The following ZWILCH variants were observed in gnomAD, a reference collection of about 807,000 sequenced individuals.
ZWILCH encodes protein zwilch homolog.
A neutral mutation model predicts 79.9 loss-of-function variants in ZWILCH; 74 were observed. That is an observed-to-expected ratio of 0.93 (90% CI 0.77 to 1.12). The LOEUF is 1.12. Among genes scored for constraint, ZWILCH ranks in the 50% most tolerant of loss-of-function variants. ZWILCH has a pLI of 0.00. For missense variants in ZWILCH, 694 were observed against 687.5 expected (o/e 1.01, Z -0.11); for synonymous variants, 241 against 228.2 (o/e 1.06, Z -0.51).
intron 16 of ZWILCH, among the ~76,000 whole-genome samples, chr15:66,538,696 G>A (rs62011922): frequency 0.056 from 8,504 of 152,202 alleles, 336 homozygotes; most frequent in Middle Eastern, 0.11. Context: ...CAGTAAGCAC[G>A]TATAAGGCTG....
chr15:66,537,098 T>A (rs1189237993), intron 15 of ZWILCH, 70 bp from the exon 16 acceptor site: 1 of 1,240,528 alleles, frequency 8.1e-7, no homozygotes, highest in African/African-American at 1.5e-5. Flanking sequence ...CTTACGAGCT[T>A]TAGACTACCA....
Position 66,514,095 on chromosome 15 carries a change from T to C in ZWILCH, c.201+12T>C, listed in dbSNP as rs1408672492. The C allele has an allele frequency of 1.9e-6, 3 of 1,578,286 alleles. No homozygotes were observed. In the African/African-American group the frequency reaches 4.1e-5, roughly 21 times the overall value. On this transcript the variant is annotated intron_variant, in intron 3 of 18. Coordinates refer to ENST00000307897, the MANE Select transcript of ZWILCH (RefSeq NM_017975.5). ...TAGTGGAAAAAGTGGTAAGTACTGG[T>C]TTGACTTTGTGGTTGTTTAATTCTC...
At chr15:66,526,651 A>G (rs1036256936) in intron 8 of ZWILCH, among the ~76,000 whole-genome samples, 3 of 151,546 alleles carry the variant, frequency 2.0e-5, no homozygotes, top group African/African-American at 7.3e-5. Context: ...TATAGTAGAG[A>G]CGGGGTTTCA....
intron 7 of ZWILCH, chr15:66,523,459 A>G (rs1047304246): frequency 2.1e-5 from 9 of 435,046 alleles, no homozygotes; most frequent in African/African-American, 1.8e-4. Flanking sequence ...TGTCATAGAA[A>G]GAGGATAAGT....
At chr15:66,520,986 G>T in intron 6 of ZWILCH, 64 bp from the exon 7 acceptor site, 1 of 1,540,032 alleles carries the variant, frequency 6.5e-7, no homozygotes. Flanking sequence ...AAAATAATTT[G>T]GGTAATGGAC....
At chr15:66,527,121 T>G (rs1401167779) in intron 8 of ZWILCH, among the ~76,000 whole-genome samples, 169 bp from the exon 9 acceptor site, 11 of 152,238 alleles carry the variant, frequency 7.2e-5, no homozygotes, top group Non-Finnish European at 2.9e-5. Context: ...CCATAGAGTT[T>G]TGTTAGGATT....
rs569377201 is a variant in ZWILCH, at chr15:66,510,204, TAAATAAAATA to T, written c.105+1323_105+1332del. ...AATAAAATAAAATAATAAAATAAAA[TAAATAAAATA>T]AAATAAAATATAAAATAAAATAAAA... On this transcript the variant is annotated intron_variant, in intron 2 of 18. Transcript: ENST00000307897. Among the ~76,000 whole-genome samples, 76 of 138,578 alleles carry T rather than the reference TAAATAAAATA, an allele frequency of 5.5e-4. No individual in the cohort carries two copies. The Middle Eastern group carries it at 0.015, about 28-fold the overall frequency. 90.9% of individuals were successfully genotyped at this position (138,578 alleles called of 152,430 possible).
At chr15:66,510,836 G>A (rs571189125) in intron 2 of ZWILCH, among the ~76,000 whole-genome samples, 5 of 152,108 alleles carry the variant, frequency 3.3e-5, no homozygotes, top group African/African-American at 9.7e-5. Context: ...CTGTAGACAC[G>A]TGGTATTCCC....
At chr15:66,508,328 A>G (rs1173279554) in intron 1 of ZWILCH, among the ~76,000 whole-genome samples, 1 of 152,216 alleles carries the variant, frequency 6.6e-6, no homozygotes, top group Non-Finnish European at 1.5e-5. Context: ...GGTCAACATA[A>G]TCAAATTTAC....
At chr15:66,537,844 A>C (rs949962184) in intron 16 of ZWILCH, among the ~76,000 whole-genome samples, 4 of 152,112 alleles carry the variant, frequency 2.6e-5, no homozygotes. Context: ...CTGTGACCAT[A>C]GTCTGAGAGA....
intron 8 of ZWILCH, among the ~76,000 whole-genome samples, chr15:66,526,920 G>A (rs1197599456): frequency 1.3e-5 from 2 of 152,040 alleles, no homozygotes; most frequent in African/African-American, 4.8e-5. Flanking sequence ...GCATCTCCAG[G>A]GCAAACCCAG....
intron 11 of ZWILCH, 137 bp downstream of exon 11, chr15:66,529,094 A>G (rs1038754515): frequency 1.5e-6 from 1 of 655,870 alleles, no homozygotes; most frequent in African/African-American, 1.8e-5. Context: ...ATTTCTAATG[A>G]CACATTGGTG....
chr15:66,533,077 T>A, intron 14 of ZWILCH, 64 bp downstream of exon 14: 11 of 1,124,018 alleles, frequency 9.8e-6, no homozygotes, highest in Non-Finnish European at 1.4e-5. Context: ...TGTGCAGTTA[T>A]TAACTGCCAA....
rs567346664 is a variant in ZWILCH, at chr15:66,505,501, A to G, written c.53+110A>G. 2.2e-6 allele frequency: 3 copies of G among 1,380,824 alleles called. No individual in the cohort carries two copies. In the East Asian group the frequency reaches 7.0e-5, roughly 32 times the overall value. 85.5% of individuals were successfully genotyped at this position (1,380,824 alleles called of 1,614,324 possible). A position where few individuals can be genotyped will look rare whatever the true frequency, so the allele number is the denominator to read the frequency against. ...CCACTCTGGGGATCAGCGCTTTGCC[A>G]GCTTTCCTGGGGTCCAGGAGTTGGG... On this transcript the variant is annotated intron_variant, in intron 1 of 18. Coordinates refer to ENST00000307897, the MANE Select transcript of ZWILCH (RefSeq NM_017975.5).
Position 66,548,674 on chromosome 15 carries a change from CA to C in ZWILCH, c.*354del. 2 of 792,540 alleles carry C rather than the reference CA, an allele frequency of 2.5e-6. No individual in the cohort carries two copies. Among genetic ancestry groups the C allele is most frequent in the South Asian group, 1.7e-5 (1 of 60,262 alleles). 49.1% of individuals were successfully genotyped at this position (792,540 alleles called of 1,614,324 possible). On this transcript the variant is annotated 3_prime_UTR_variant, in exon 19 of 19. Transcript: ENST00000307897. ...CATTTTAGTAAATACAGCTTTATCCCAAAAGCTTTAACTGTATTGGGAAAAC... is the reference window on the plus strand; with the variant it reads ...CATTTTAGTAAATACAGCTTTATCCCAAAGCTTTAACTGTATTGGGAAAAC...
In ZWILCH at chr15:66,517,417, C is replaced by CGTGTGTGTGTGTGTGTGT. The variant is rs141565295; in HGVS notation, c.321-1448_321-1447insGTGTGTGTGTGTGTGTGT. ...CCTATAGATTTTGTGTTTGTGTGTG[C>CGTGTGTGTGTGTGTGTGT]GTGTGTGTGTGTGTATATATATATA... On this transcript the variant is annotated intron_variant, in intron 4 of 18. Coordinates refer to ENST00000307897, the MANE Select transcript of ZWILCH (RefSeq NM_017975.5). Among the ~76,000 whole-genome samples the CGTGTGTGTGTGTGTGTGT allele has an allele frequency of 2.8e-3, 225 of 80,640 alleles. 5 individuals carry two copies. Among genetic ancestry groups the CGTGTGTGTGTGTGTGTGT allele is most frequent in the Non-Finnish European group, 3.9e-3 (163 of 42,096 alleles). The allele number at this position is 80,640 out of a possible 152,430, so 52.9% of individuals were successfully genotyped here.
chr15:66,514,102 T>C lies in ZWILCH; in HGVS notation c.201+19T>C, dbSNP rs367603411. On this transcript the variant is annotated intron_variant, in intron 3 of 18. Coordinates refer to ENST00000307897, the MANE Select transcript of ZWILCH (RefSeq NM_017975.5). ...AAAAGTGGTAAGTACTGGTTTGACT[T>C]TGTGGTTGTTTAATTCTCCATAACC... 114 of 1,560,710 alleles carry C rather than the reference T, an allele frequency of 7.3e-5. No homozygotes were observed. The highest frequency in any genetic ancestry group is 9.4e-5 in the Non-Finnish European group (108 of 1,150,590).
intron 13 of ZWILCH, among the ~76,000 whole-genome samples, 189 bp from the exon 14 acceptor site, chr15:66,532,796 T>G (rs1894895077): frequency 6.6e-6 from 1 of 151,976 alleles, no homozygotes; most frequent in Admixed American, 6.6e-5. Context: ...GCCAGGAAAC[T>G]TGGCCTTTTG....
rs1567039429 is a variant in ZWILCH at position 66,509,853 on chromosome 15, A to AATTATGTGTGTGTGTGGC, written c.105+961_105+962insATTATGTGTGTGTGTGGC. ...TATATATATATATATATATATATAT[A>AATTATGTGTGTGTGTGGC]TATATATATATATATATCTCTTAAA... On this transcript the variant is annotated intron_variant, in intron 2 of 18. Coordinates refer to ENST00000307897, the MANE Select transcript of ZWILCH (RefSeq NM_017975.5). Among the ~76,000 whole-genome samples, 134 of 95,824 alleles carry AATTATGTGTGTGTGTGGC rather than the reference A, an allele frequency of 1.4e-3. 2 individuals carry two copies. The highest frequency in any genetic ancestry group is 0.01 in the Middle Eastern group (2 of 194). 62.9% of individuals were successfully genotyped at this position (95,824 alleles called of 152,430 possible). A position where few individuals can be genotyped will look rare whatever the true frequency, so the allele number is the denominator to read the frequency against.
Sources: gnomAD v4.1 joint callset for allele counts (sites outside exome capture counted in the v4.1 genomes callset) on GRCh38, gnomAD v4.1.1 for gene constraint, MANE v1.5 for transcripts, NCBI Gene and HGNC (gene_info 2026-07-23, HGNC 2026-07-21) for gene names.